PTPN13: variants seen among roughly 807,000 people sequenced by gnomAD.
PTPN13 encodes the protein tyrosine-protein phosphatase non-receptor type 13.
Under a neutral mutation model 284.0 loss-of-function variants are expected in PTPN13, and 191 were observed. That is an observed-to-expected ratio of 0.67 (90% CI 0.60 to 0.76). PTPN13 has a LOEUF of 0.76. Ranked by LOEUF, PTPN13 falls within the 30% of genes least tolerant of loss-of-function variation. The pLI is 0.00. For synonymous variants in PTPN13, 986 were observed against 1,022.3 expected (o/e 0.96, Z 0.68); for missense variants, 2,797 against 2,939.9 (o/e 0.95, Z 1.12).
chr4:86,802,408 C>G (rs1744132991), intron 42 of PTPN13, among the ~76,000 whole-genome samples: 1 of 152,030 alleles, frequency 6.6e-6, no homozygotes, highest in Non-Finnish European at 1.5e-5. Context: ...GGAAAAGAAG[C>G]AAGCTGTCCC....
intron 1 of PTPN13, among the ~76,000 whole-genome samples, chr4:86,599,229 G>A (rs1257290389): frequency 1.3e-5 from 2 of 151,992 alleles, no homozygotes; most frequent in African/African-American, 4.8e-5. Context: ...AGAAAATTTG[G>A]TTCCCATAAA....
At chr4:86,661,644 C>T (rs968905190) in intron 2 of PTPN13, among the ~76,000 whole-genome samples, 1 of 152,066 alleles carries the variant, frequency 6.6e-6, no homozygotes, top group African/African-American at 2.4e-5. Context: ...TTCATGAGTT[C>T]CTACAGATCA....
At chr4:86,598,891 A>C (rs1212711827) in intron 1 of PTPN13, among the ~76,000 whole-genome samples, 1 of 152,154 alleles carries the variant, frequency 6.6e-6, no homozygotes. Context: ...CAGCATCCTG[A>C]ATAACTGATA....
intron 6 of PTPN13, among the ~76,000 whole-genome samples, chr4:86,699,866 C>T (rs1022276052): frequency 6.6e-6 from 1 of 151,926 alleles, no homozygotes; most frequent in Non-Finnish European, 1.5e-5. Flanking sequence ...ATATAACATC[C>T]CTAAAATACT....
At chr4:86,720,888 A>G (rs1404502485) in intron 9 of PTPN13, among the ~76,000 whole-genome samples, 1 of 152,102 alleles carries the variant, frequency 6.6e-6, no homozygotes, top group Non-Finnish European at 1.5e-5. Context: ...TAATTTTTTT[A>G]TACTGAGCTA....
intron 5 of PTPN13, chr4:86,689,711 T>C (rs1301158473): frequency 1.4e-6 from 1 of 702,478 alleles, no homozygotes. Flanking sequence ...CTGCCAGATT[T>C]CCCCAAGACC....
chr4:86,621,481 C>T (rs1721236287), intron 1 of PTPN13, among the ~76,000 whole-genome samples: 1 of 152,096 alleles, frequency 6.6e-6, no homozygotes, highest in Non-Finnish European at 1.5e-5. Context: ...TCTGAAAAAG[C>T]AAGTGTTTTT....
intron 2 of PTPN13, among the ~76,000 whole-genome samples, chr4:86,665,811 T>C (rs1726999672): frequency 1.3e-5 from 2 of 152,192 alleles, no homozygotes; most frequent in Non-Finnish European, 2.9e-5. Context: ...ATGGATGATA[T>C]GCTCTTTGTC....
intron 40 of PTPN13, among the ~76,000 whole-genome samples, chr4:86,789,526 T>C (rs1742371148): frequency 6.6e-6 from 1 of 152,178 alleles, no homozygotes; most frequent in African/African-American, 2.4e-5. Flanking sequence ...AGATACCTTA[T>C]TTGCATGTGA....
At position 86,774,451 on chromosome 4, in the gene PTPN13, A is replaced by G. The variant is rs751435286; in HGVS notation, c.5428A>G (p.Ile1810Val). The change falls in exon 33 of 48, where the codon ATT (isoleucine) becomes GTT (valine). Residue 1810 changes from isoleucine (I) to valine (V), a missense_variant. Physicochemically the swap from Ile to Val is conservative, Grantham distance 29. Coordinates refer to ENST00000411767, the MANE Select transcript of PTPN13 (RefSeq NM_080683.3). ...TACAGTAACCAAAGGCAATCAGAGA[A>G]TTGGTTGTTATGTTCATGATGTCAT... ...GFTVTKGNQR[I>V]GCYVHDVIQD... 3.1e-6 allele frequency: 5 copies of G among 1,605,184 alleles called. No individual in the cohort carries two copies. The African/African-American group carries it at 6.7e-5, about 21-fold the overall frequency.
chr4:86,769,778 T>C lies in PTPN13; in HGVS notation c.4499T>C (p.Phe1500Ser), dbSNP rs781003948. 37 of 1,588,186 alleles carry C rather than the reference T, an allele frequency of 2.3e-5. No individual in the cohort carries two copies. The highest frequency in any genetic ancestry group is 3.1e-5 in the Non-Finnish European group (36 of 1,166,782). The change falls in exon 29 of 48, where the codon TTT becomes TCT. Residue 1500 changes from phenylalanine (F) to serine (S), a missense_variant. By Grantham distance (155) the Phe-to-Ser change is radical. Coordinates refer to ENST00000411767, the MANE Select transcript of PTPN13 (RefSeq NM_080683.3). The part of the protein sequence containing the change: ...DYSFVTEENT[F>S]EVKLFKNSSG... ...ATATCTTTTTCTCCAGAAAATACAT[T>C]TGAGGTAAAATTATTTAAAAATAGC...
intron 2 of PTPN13, among the ~76,000 whole-genome samples, chr4:86,653,987 A>G (rs1012803036): frequency 1.3e-5 from 2 of 152,216 alleles, no homozygotes; most frequent in South Asian, 2.1e-4. Context: ...GGATCATCTT[A>G]AAACTATAAG....
At position 86,620,952 on chromosome 4, in the gene PTPN13, G is replaced by A. The variant is rs115489036; in HGVS notation, c.-5-14300G>A. Reference sequence around the variant, plus strand: ...TTTTTATCTTTTTGTTTAGGTATCTGTTGTCGCAAGAAGACTCACTCTGCT... The same window carrying A: ...TTTTTATCTTTTTGTTTAGGTATCTATTGTCGCAAGAAGACTCACTCTGCT... On this transcript the variant is annotated intron_variant, in intron 1 of 47. Transcript: ENST00000411767. Among the ~76,000 whole-genome samples, 225 of 152,284 alleles carry A rather than the reference G, an allele frequency of 1.5e-3. 1 individual carries two copies. The highest frequency in any genetic ancestry group is 2.7e-3 in the Non-Finnish European group (185 of 68,014).
At chr4:86,793,524 T>TC (rs1335597313) in intron 40 of PTPN13, among the ~76,000 whole-genome samples, 2 of 152,174 alleles carry the variant, frequency 1.3e-5, no homozygotes, top group Non-Finnish European at 2.9e-5. Flanking sequence ...TTTACAGAAC[T>TC]CTCCACCCCA....
At chr4:86,777,677 G>A (rs922364515) in intron 35 of PTPN13, among the ~76,000 whole-genome samples, 1 of 152,122 alleles carries the variant, frequency 6.6e-6, no homozygotes, top group Non-Finnish European at 1.5e-5. Flanking sequence ...ATTTTTGTTT[G>A]TGAATTATTT....
Position 86,775,359 on chromosome 4 carries a change from CTT to C in PTPN13, c.5680+19_5680+20del, listed in dbSNP as rs751887509. On this transcript the variant is annotated intron_variant, in intron 34 of 47. Coordinates refer to ENST00000411767, the MANE Select transcript of PTPN13 (RefSeq NM_080683.3). ...AGGAGTTGGGTAATGAAAAGTCAAACTTTGTACAATATGATTTTCTTGGTTAG... is the reference window on the plus strand; with the variant it reads ...AGGAGTTGGGTAATGAAAAGTCAAACTGTACAATATGATTTTCTTGGTTAG... 2.4e-5 allele frequency: 38 copies of C among 1,608,180 alleles called. No homozygotes were observed. The East Asian group carries it at 8.5e-4, about 36-fold the overall frequency.
intron 7 of PTPN13, among the ~76,000 whole-genome samples, chr4:86,712,022 G>A (rs1732479047): frequency 6.6e-6 from 1 of 151,958 alleles, no homozygotes; most frequent in African/African-American, 2.4e-5. Context: ...TACCAGCCAG[G>A]TTTTGTTGGT....
chr4:86,681,628 G>A (rs1728894740), intron 3 of PTPN13, among the ~76,000 whole-genome samples: 1 of 152,136 alleles, frequency 6.6e-6, no homozygotes, highest in African/African-American at 2.4e-5. Flanking sequence ...GATTGAATGA[G>A]CTAATGTATA....
intron 18 of PTPN13, 55 bp downstream of exon 18, chr4:86,750,942 GTTTC>G: frequency 6.4e-7 from 1 of 1,569,638 alleles, no homozygotes; most frequent in East Asian, 2.3e-5. Context: ...CATTTCATAC[GTTTC>G]TTTTTGTTAT....
Sources: allele counts gnomAD v4.1 joint callset (sites outside exome capture counted in the v4.1 genomes callset), GRCh38; gene constraint gnomAD v4.1.1; transcripts MANE v1.5; gene names NCBI Gene and HGNC (gene_info 2026-07-23, HGNC 2026-07-21).